Variants in GTF2H5 observed in about 807,000 individuals in gnomAD.
GTF2H5 encodes general transcription factor IIH subunit 5, also known as TFB5 ortholog.
GTF2H5 carries 5 observed loss-of-function variants against 7.1 expected under a neutral mutation model. The ratio of observed to expected loss-of-function variants is 0.71; its 90% CI spans 0.37 to 1.49. GTF2H5 has a LOEUF of 1.49. Among genes scored for constraint, GTF2H5 ranks in the 40% most tolerant of loss-of-function variants. GTF2H5 has a pLI of 0.03. For missense variants in GTF2H5, 80 were observed against 83.0 expected, an observed-to-expected ratio of 0.96 and a Z score of 0.14; for synonymous variants, 30 against 31.7, an observed-to-expected ratio of 0.95 and a Z score of 0.18.
At chr6:158,186,340 A>T (rs550024000) in intron 2 of GTF2H5, among the ~76,000 whole-genome samples, 43 of 152,334 alleles carry the variant, frequency 2.8e-4, no homozygotes, top group African/African-American at 1.0e-3. Flanking sequence ...CTTCATAACC[A>T]CTTAACTCTT....
At chr6:158,191,715 C>A (rs546976115) in intron 2 of GTF2H5, among the ~76,000 whole-genome samples, 1 of 152,292 alleles carries the variant, frequency 6.6e-6, no homozygotes, top group South Asian at 2.1e-4. Context: ...ATCTCCTGAC[C>A]TGGTGATCCA....
chr6:158,184,400 A>G (rs1002073020), intron 2 of GTF2H5, among the ~76,000 whole-genome samples: 4 of 152,202 alleles, frequency 2.6e-5, no homozygotes, highest in African/African-American at 9.6e-5. Context: ...TTCTGGGTCC[A>G]GTACTCTCTT....
At chr6:158,168,610 C>T (rs1373513278) in intron 1 of GTF2H5, among the ~76,000 whole-genome samples, 3 of 152,194 alleles carry the variant, frequency 2.0e-5, no homozygotes, top group Non-Finnish European at 2.9e-5. Context: ...GGGGCTAGGG[C>T]TCGCCCTGCG....
At chr6:158,178,456 CAAAAAAAA>C (rs34745319) in intron 2 of GTF2H5, among the ~76,000 whole-genome samples, 1,349 of 88,538 alleles carry the variant, frequency 0.015, 26 homozygotes, top group African/African-American at 0.054. Context: ...GACTCCATCT[CAAAAAAAA>C]AAAAAAAAAA....
chr6:158,178,456 CAAAAA>C (rs34745319), intron 2 of GTF2H5, among the ~76,000 whole-genome samples: 1 of 88,514 alleles, frequency 1.1e-5, no homozygotes, highest in Admixed American at 1.3e-4. Flanking sequence ...GACTCCATCT[CAAAAA>C]AAAAAAAAAA....
chr6:158,183,826 G>C (rs1400817746), intron 2 of GTF2H5, among the ~76,000 whole-genome samples: 2 of 152,228 alleles, frequency 1.3e-5, no homozygotes, highest in African/African-American at 4.8e-5. Context: ...CCTTGGCTAG[G>C]AAAGGGAAAT....
intron 2 of GTF2H5, among the ~76,000 whole-genome samples, chr6:158,187,043 G>A (rs1009005050): frequency 2.0e-5 from 3 of 152,128 alleles, no homozygotes; most frequent in Non-Finnish European, 4.4e-5. Context: ...CTCCCAGGCT[G>A]GAGTGCAATG....
At chr6:158,172,232 T>C (rs1455398942) in intron 2 of GTF2H5, among the ~76,000 whole-genome samples, 1 of 152,170 alleles carries the variant, frequency 6.6e-6, no homozygotes, top group African/African-American at 2.4e-5. Context: ...GGGGATTTTG[T>C]GTTTTTCTTG....
Position 158,192,128 on chromosome 6 carries a change from CAA to C in GTF2H5, c.190_191del (p.Asn64CysfsTer33). 1 of 1,613,108 alleles carries C rather than the reference CAA, an allele frequency of 6.2e-7. No homozygotes were observed. On this transcript the variant is annotated frameshift_variant, in exon 3 of 3. Coordinates refer to ENST00000607778, the MANE Select transcript of GTF2H5 (RefSeq NM_207118.3). LOFTEE classifies it high-confidence loss of function. ...LQERVGELMD[Q>X]NAFSLTQK is the part of the protein sequence containing the mutation. The stretch of plus-strand genomic sequence containing the variant: ...GGAGCGAGTGGGTGAATTAATGGAC[CAA>C]AATGCTTTTTCCCTTACCCAGAAAT...
Position 158,170,339 on chromosome 6 carries a change from T to G in GTF2H5, c.-34-131T>G, listed in dbSNP as rs1785837706. On this transcript the variant is annotated intron_variant, in intron 1 of 2. Transcript: ENST00000607778. ...AATCAGAATGTCTTTTTTCTTAATG[T>G]TAACTGTCTTTCATAGACTTAACTG... is the stretch of plus-strand genomic sequence containing the variant. 5 of 627,194 alleles carry G rather than the reference T, an allele frequency of 8.0e-6. No homozygotes were observed. In the South Asian group the frequency reaches 9.4e-5, roughly 12 times the overall value. The allele number at this position is 627,194 out of a possible 1,614,324, so 38.9% of individuals were successfully genotyped here.
At position 158,169,772 on chromosome 6, in the gene GTF2H5, A is replaced by AATATATATT. The variant is rs1785814564; in HGVS notation, c.-34-692_-34-691insATTATATAT. The stretch of plus-strand genomic sequence containing the variant: ...ATATAATATATTGTATATTATATAT[A>AATATATATT]ATATATTGTATATTATATATTATAT... On this transcript the variant is annotated intron_variant, in intron 1 of 2. Transcript: ENST00000607778. Among the ~76,000 whole-genome samples, 6 of 53,954 alleles carry AATATATATT rather than the reference A, an allele frequency of 1.1e-4. 1 individual carries two copies. Among genetic ancestry groups the AATATATATT allele is most frequent in the African/African-American group, 3.7e-4 (4 of 10,818 alleles). 35.4% of individuals were successfully genotyped at this position (53,954 alleles called of 152,430 possible).
chr6:158,173,612 G>C (rs1047969405), intron 2 of GTF2H5, among the ~76,000 whole-genome samples: 9 of 152,172 alleles, frequency 5.9e-5, no homozygotes, highest in African/African-American at 2.2e-4. Flanking sequence ...TTTACAGGCA[G>C]ACCACTCAAG....
At position 158,184,277 on chromosome 6, in the gene GTF2H5, C is replaced by T. The variant is rs139424276; in HGVS notation, c.36-7700C>T. On this transcript the variant is annotated intron_variant, in intron 2 of 2. Transcript: ENST00000607778. Reference sequence around the variant, plus strand: ...AAGGAAAAACATGTGAAGGAGGAGCCGCATCGAATTCCTGTTCTCATTTCT... The same window carrying T: ...AAGGAAAAACATGTGAAGGAGGAGCTGCATCGAATTCCTGTTCTCATTTCT... 1.2e-3 allele frequency among the ~76,000 whole-genome samples: 187 copies of T among 152,104 alleles called. 4 individuals carry two copies. In the East Asian group the frequency reaches 0.024, roughly 19 times the overall value.
intron 2 of GTF2H5, among the ~76,000 whole-genome samples, chr6:158,187,757 G>A (rs1221015284): frequency 6.6e-6 from 1 of 152,126 alleles, no homozygotes; most frequent in African/African-American, 2.4e-5. Flanking sequence ...TAGTAGAGAT[G>A]GGGTTTCACC....
chr6:158,177,935 G>A (rs925882505), intron 2 of GTF2H5, among the ~76,000 whole-genome samples: 3 of 152,144 alleles, frequency 2.0e-5, no homozygotes, highest in African/African-American at 4.8e-5. Flanking sequence ...ATTCCGTGGT[G>A]TATATGTGCC....
At chr6:158,169,336 TA>T (rs1484374245) in intron 1 of GTF2H5, among the ~76,000 whole-genome samples, 46 of 117,424 alleles carry the variant, frequency 3.9e-4, no homozygotes, top group African/African-American at 1.4e-3. Context: ...ATATTATATA[TA>T]ATACGTATAT....
In GTF2H5 at chr6:158,169,428, T is replaced by C. The variant is rs2095377047; in HGVS notation, c.-35+1033T>C. Reference sequence around the variant, plus strand: ...TGTATATTATATATTATATATAATATATTGTATATTATATATATTATATAT... The same window carrying C: ...TGTATATTATATATTATATATAATACATTGTATATTATATATATTATATAT... On this transcript the variant is annotated intron_variant, in intron 1 of 2. Transcript: ENST00000607778. 4.8e-5 allele frequency among the ~76,000 whole-genome samples: 3 copies of C among 63,148 alleles called. No homozygotes were observed. In the South Asian group the frequency reaches 1.2e-3, roughly 25 times the overall value. 41.4% of individuals were successfully genotyped at this position (63,148 alleles called of 152,430 possible).
chr6:158,188,747 C>T (rs1332895362), intron 2 of GTF2H5, among the ~76,000 whole-genome samples: 2 of 152,098 alleles, frequency 1.3e-5, no homozygotes, highest in Non-Finnish European at 2.9e-5. Flanking sequence ...TAAAATACCC[C>T]ATTCATCCTC....
Position 158,194,194 on chromosome 6 carries a change from G to GA in GTF2H5, c.*2044dup, listed in dbSNP as rs1322848906. 1 of 152,030 alleles carries GA rather than the reference G, an allele frequency of 6.6e-6. No homozygotes were observed. Among genetic ancestry groups the GA allele is most frequent in the Non-Finnish European group, 1.5e-5 (1 of 67,996 alleles). 9.4% of individuals were successfully genotyped at this position (152,030 alleles called of 1,614,324 possible). ...ATTTTTGCCACTGAAGTAAAAAAGA[G>GA]AAAAAAAGATATTTATGAGAAAACT... On this transcript the variant is annotated 3_prime_UTR_variant, in exon 3 of 3. Transcript: ENST00000607778.
Sources: gnomAD v4.1 joint callset for allele counts (sites outside exome capture counted in the v4.1 genomes callset) on GRCh38, gnomAD v4.1.1 for gene constraint, MANE v1.5 for transcripts, NCBI Gene and HGNC (gene_info 2026-07-23, HGNC 2026-07-21) for gene names.